Variants in SLC29A3 observed in about 807,000 individuals in gnomAD.
The protein encoded by SLC29A3 is equilibrative nucleoside transporter 3.
SLC29A3 carries 18 observed loss-of-function variants against 25.4 expected under a neutral mutation model. That is an observed-to-expected ratio of 0.71 (90% CI 0.49 to 1.05). SLC29A3 has a LOEUF of 1.05. SLC29A3 is among the 50% of genes least tolerant of loss of function. The pLI is 0.00. For synonymous variants in SLC29A3, 258 were observed against 267.1 expected (o/e 0.97, Z 0.33); for missense variants, 586 against 609.0 (o/e 0.96, Z 0.40).
intron 3 of SLC29A3, among the ~76,000 whole-genome samples, chr10:71,375,372 G>T (rs1032328168): frequency 6.6e-6 from 1 of 152,146 alleles, no homozygotes; most frequent in Non-Finnish European, 1.5e-5. Context: ...TTTTCAGTAC[G>T]TTCAATCCTG....
rs886047116 is a variant in SLC29A3, at chr10:71,319,279, G to A, written c.-31G>A. The A allele has an allele frequency of 3.2e-6, 2 of 624,710 alleles. No individual in the cohort carries two copies. Among genetic ancestry groups the A allele is most frequent in the Non-Finnish European group, 2.9e-6 (1 of 347,950 alleles). The allele number at this position is 624,710 out of a possible 1,614,324, so 38.7% of individuals were successfully genotyped here. On this transcript the variant is annotated 5_prime_UTR_variant, in exon 1 of 6. Coordinates refer to ENST00000373189, the MANE Select transcript of SLC29A3 (RefSeq NM_018344.6). ...AGCCCAGTGGTCCTGGCCGTGCGCC[G>A]GAGGCAGCGGCGGCGTGGCGCAGCG...
chr10:71,356,283 A>T (rs1589240738), intron 5 of SLC29A3, 40 bp downstream of exon 5: 1 of 1,607,110 alleles, frequency 6.2e-7, no homozygotes, highest in Non-Finnish European at 8.5e-7. Context: ...CTTCCTGTGT[A>T]TCCAGTTATA....
chr10:71,350,606 A>C (rs1846729376), intron 3 of SLC29A3, among the ~76,000 whole-genome samples: 1 of 152,186 alleles, frequency 6.6e-6, no homozygotes, highest in Admixed American at 6.5e-5. Context: ...TGGGAAGAGT[A>C]CATGGCTCAT....
intron 2 of SLC29A3, among the ~76,000 whole-genome samples, chr10:71,327,484 G>A (rs1845998920): frequency 6.6e-6 from 1 of 152,174 alleles, no homozygotes; most frequent in African/African-American, 2.4e-5. Context: ...CACCATCCTG[G>A]CAGGGGTATT....
intron 4 of SLC29A3, among the ~76,000 whole-genome samples, chr10:71,376,825 G>A (rs1331964399): frequency 1.3e-5 from 2 of 152,166 alleles, no homozygotes; most frequent in African/African-American, 4.8e-5. Flanking sequence ...ATGCAGTGGT[G>A]TGATCTCAGC....
intron 4 of SLC29A3, among the ~76,000 whole-genome samples, chr10:71,377,029 G>A: frequency 6.6e-6 from 1 of 152,028 alleles, no homozygotes; most frequent in Admixed American, 6.5e-5. Flanking sequence ...CCCTCCCAAA[G>A]TGCTGGGATT....
chr10:71,322,136 G>A (rs866517079), intron 1 of SLC29A3, among the ~76,000 whole-genome samples: 16 of 147,578 alleles, frequency 1.1e-4, no homozygotes, highest in African/African-American at 3.0e-4. Context: ...CCCCCTCCCC[G>A]CCCCCCACCA....
At chr10:71,376,267 G>C (rs1425811754) in intron 4 of SLC29A3, among the ~76,000 whole-genome samples, 1 of 152,156 alleles carries the variant, frequency 6.6e-6, no homozygotes, top group African/African-American at 2.4e-5. Flanking sequence ...CCTCCACTGG[G>C]CCCTCAGTAG....
At chr10:71,361,889 C>G in intron 5 of SLC29A3, 65 bp from the exon 6 acceptor site, 2 of 1,596,946 alleles carry the variant, frequency 1.3e-6, no homozygotes, top group Admixed American at 3.3e-5. Flanking sequence ...GAGTGCCCAC[C>G]CCTGGCTGTG....
At chr10:71,370,296 T>C (rs1847201713) in intron 3 of SLC29A3, among the ~76,000 whole-genome samples, 1 of 152,100 alleles carries the variant, frequency 6.6e-6, no homozygotes. Flanking sequence ...AGTATGAAGT[T>C]CTAGGATAAC....
rs1015300997 is a variant in SLC29A3, at chr10:71,357,284, G to A, written c.773+1041G>A. Among the ~76,000 whole-genome samples the A allele has an allele frequency of 3.9e-5, 6 of 152,038 alleles. No homozygotes were observed. The East Asian group carries it at 1.2e-3, about 30-fold the overall frequency. On this transcript the variant is annotated intron_variant, in intron 5 of 5. Coordinates refer to ENST00000373189, the MANE Select transcript of SLC29A3 (RefSeq NM_018344.6). ...CAAAAAATTAGCCGGGCATGGTGGC[G>A]GGTGCCTGTAGTCCCAGCTACTCGG...
In SLC29A3 at chr10:71,348,958, G is replaced by C. The variant is rs557611427; in HGVS notation, c.384-2604G>C. Among the ~76,000 whole-genome samples, 4 of 152,330 alleles carry C rather than the reference G, an allele frequency of 2.6e-5. No homozygotes were observed. In the East Asian group the frequency reaches 7.7e-4, roughly 29 times the overall value. On this transcript the variant is annotated intron_variant, in intron 3 of 5. Coordinates refer to ENST00000373189, the MANE Select transcript of SLC29A3 (RefSeq NM_018344.6). The stretch of plus-strand genomic sequence containing the variant: ...GGAGGGACAAGAACACAGTCCTGCT[G>C]GGGATCTTGGAGAGCCAGTGTGGAG...
chr10:71,349,368 C>T (rs1333939982), intron 3 of SLC29A3, among the ~76,000 whole-genome samples: 1 of 152,180 alleles, frequency 6.6e-6, no homozygotes, highest in South Asian at 2.1e-4. Context: ...CCTCGCCCTA[C>T]GCAACTGGCT....
chr10:71,323,326 T>C (rs913984954), intron 2 of SLC29A3, among the ~76,000 whole-genome samples: 1 of 152,202 alleles, frequency 6.6e-6, no homozygotes, highest in African/African-American at 2.4e-5. Context: ...GTAACTAAAA[T>C]GAGATGGAAG....
intron 3 of SLC29A3, among the ~76,000 whole-genome samples, chr10:71,374,033 T>A (rs1056949543): frequency 6.6e-6 from 1 of 152,182 alleles, no homozygotes; most frequent in Non-Finnish European, 1.5e-5. Flanking sequence ...TGTGTCAAGG[T>A]AGAAGGGAGA....
rs372945344 is a variant in SLC29A3 at position 71,327,253 on chromosome 10, AT to A, written c.300+4202del. Among the ~76,000 whole-genome samples, 276 of 152,324 alleles carry A rather than the reference AT, an allele frequency of 1.8e-3. 1 individual carries two copies. Among genetic ancestry groups the A allele is most frequent in the African/African-American group, 6.3e-3 (263 of 41,572 alleles). ...TGTCACTTTCAAGGTCAGCGGGCTC[AT>A]TTCCTTCTGCCTGGACAAATGTGGG... On this transcript the variant is annotated intron_variant, in intron 2 of 5. Coordinates refer to ENST00000373189, the MANE Select transcript of SLC29A3 (RefSeq NM_018344.6).
chr10:71,377,131 A>G (rs547680664), intron 4 of SLC29A3, among the ~76,000 whole-genome samples: 2 of 152,264 alleles, frequency 1.3e-5, no homozygotes, highest in South Asian at 4.1e-4. Context: ...AGGCTGAGGG[A>G]TAGGTCCCGA....
intron 2 of SLC29A3, among the ~76,000 whole-genome samples, chr10:71,327,210 A>G (rs1274000592): frequency 6.6e-6 from 1 of 151,892 alleles, no homozygotes; most frequent in East Asian, 1.9e-4. Flanking sequence ...TTACCCAGAC[A>G]CCCTCTCCCC....
chr10:71,368,718 AC>A (rs1185710527), intron 3 of SLC29A3, among the ~76,000 whole-genome samples: 2 of 152,120 alleles, frequency 1.3e-5, no homozygotes, highest in Non-Finnish European at 2.9e-5. Context: ...CCCTTTAGAA[AC>A]CAGTGTAGTT....
Sources: gnomAD v4.1 joint callset for allele counts (sites outside exome capture counted in the v4.1 genomes callset) on GRCh38, gnomAD v4.1.1 for gene constraint, MANE v1.5 for transcripts, NCBI Gene and HGNC (gene_info 2026-07-23, HGNC 2026-07-21) for gene names.